Variants in CFH observed in about 807,000 individuals in gnomAD.
CFH encodes complement factor H, also known as H factor 1 (complement).
CFH carries 53 observed loss-of-function variants against 147.3 expected under a neutral mutation model. The ratio of observed to expected loss-of-function variants is 0.36; its 90% CI spans 0.29 to 0.45. CFH has a LOEUF of 0.45. Among genes scored for constraint, CFH ranks in the 20% least tolerant of loss-of-function variants. CFH has a pLI of 1.00. For synonymous variants in CFH, 536 were observed against 489.4 expected (o/e 1.10, Z -1.26); for missense variants, 1,380 against 1,498.0 (o/e 0.92, Z 1.30).
intron 9 of CFH, among the ~76,000 whole-genome samples, chr1:196,694,910 T>C (rs1331854381): frequency 2.6e-4 from 39 of 152,230 alleles, no homozygotes; most frequent in Admixed American, 2.6e-3. Flanking sequence ...ATTAGACCTC[T>C]GTCAGATGGA....
rs1304088427 is a variant in CFH, at chr1:196,730,189, G to A, written c.2413+1667G>A. On this transcript the variant is annotated intron_variant, in intron 15 of 21. Coordinates refer to ENST00000367429, the MANE Select transcript of CFH (RefSeq NM_000186.4). ...GTGTACTACTAGACTGTTTATTTGAGTTCTTTCCACTTTCTTGATATAGGC... is the reference window on the plus strand; with the variant it reads ...GTGTACTACTAGACTGTTTATTTGAATTCTTTCCACTTTCTTGATATAGGC... Among the ~76,000 whole-genome samples the A allele has an allele frequency of 2.0e-5, 3 of 151,728 alleles. No homozygotes were observed. The South Asian group carries it at 6.2e-4, about 31-fold the overall frequency.
At chr1:196,708,398 T>C (rs1668645887) in intron 9 of CFH, among the ~76,000 whole-genome samples, 1 of 152,090 alleles carries the variant, frequency 6.6e-6, no homozygotes, top group Non-Finnish European at 1.5e-5. Context: ...TGTCAATCTC[T>C]CTCTGCCTAT....
intron 16 of CFH, 96 bp from the exon 17 acceptor site, chr1:196,737,379 T>C: frequency 1.1e-6 from 1 of 877,254 alleles, no homozygotes; most frequent in Non-Finnish European, 1.8e-6. Flanking sequence ...TTGTTCAAAT[T>C]ATACTCACTT....
chr1:196,727,599 G>T (rs1165804195), intron 14 of CFH, among the ~76,000 whole-genome samples: 1 of 152,054 alleles, frequency 6.6e-6, no homozygotes, highest in East Asian at 1.9e-4. Flanking sequence ...TATTGTTATT[G>T]TATGGTATTC....
At chr1:196,668,974 G>T (rs1268930108) in intron 1 of CFH, among the ~76,000 whole-genome samples, 1 of 152,140 alleles carries the variant, frequency 6.6e-6, no homozygotes, top group Non-Finnish European at 1.5e-5. Flanking sequence ...GAAGATGTGG[G>T]AAAGCTTGGA....
At chr1:196,739,682 T>TA (rs1294026364) in intron 17 of CFH, among the ~76,000 whole-genome samples, 3 of 152,130 alleles carry the variant, frequency 2.0e-5, no homozygotes, top group Admixed American at 6.5e-5. Context: ...TCCAACTCCC[T>TA]AGGAAGTTCC....
At chr1:196,709,687 G>GCC (rs1668679065) in intron 9 of CFH, among the ~76,000 whole-genome samples, 1 of 151,972 alleles carries the variant, frequency 6.6e-6, no homozygotes, top group African/African-American at 2.4e-5. Context: ...GGATAAAGAA[G>GCC]CCCTTGTCAC....
At chr1:196,713,379 G>C (rs1402633448) in intron 9 of CFH, among the ~76,000 whole-genome samples, 1 of 152,084 alleles carries the variant, frequency 6.6e-6, no homozygotes, top group Non-Finnish European at 1.5e-5. Flanking sequence ...GGAATTGCCA[G>C]AAGATCTACA....
intron 6 of CFH, among the ~76,000 whole-genome samples, chr1:196,683,650 AG>A (rs1345961185): frequency 1.3e-5 from 2 of 151,800 alleles, no homozygotes; most frequent in African/African-American, 4.8e-5. Context: ...TTTAAAATAC[AG>A]GGGAAAATGA....
chr1:196,677,317 G>C lies in CFH; in HGVS notation c.428-159G>C, dbSNP rs192050351. On this transcript the variant is annotated intron_variant, in intron 4 of 21. Transcript: ENST00000367429. ...AAACATTCCATTTGCTTGTTTCTTA[G>C]AGGAAAGTATCTCTAGCAAACAGGT... The C allele has an allele frequency of 4.1e-3, 2,639 of 643,304 alleles. 5 individuals are homozygous for C. The highest frequency in any genetic ancestry group is 5.3e-3 in the Non-Finnish European group (2,000 of 374,640). The allele number at this position is 643,304 out of a possible 1,614,324, so 39.8% of individuals were successfully genotyped here.
chr1:196,692,332 T>C, intron 9 of CFH: 1 of 657,556 alleles, frequency 1.5e-6, no homozygotes, highest in Non-Finnish European at 1.9e-6. Flanking sequence ...TGTCTCATCA[T>C]TCAGTGTCAG....
At chr1:196,674,424 C>T (rs1206559562) in intron 3 of CFH, among the ~76,000 whole-genome samples, 1 of 152,124 alleles carries the variant, frequency 6.6e-6, no homozygotes, top group African/African-American at 2.4e-5. Flanking sequence ...TGTCCCAGGT[C>T]TGCAAATTAT....
intron 15 of CFH, among the ~76,000 whole-genome samples, chr1:196,731,877 A>T (rs893937742): frequency 3.3e-5 from 5 of 151,912 alleles, no homozygotes; most frequent in African/African-American, 1.2e-4. Flanking sequence ...TGGAAATTCC[A>T]TTTTATGTAA....
At chr1:196,680,006 G>T (rs1667595937) in intron 6 of CFH, among the ~76,000 whole-genome samples, 1 of 151,876 alleles carries the variant, frequency 6.6e-6, no homozygotes, top group East Asian at 1.9e-4. Flanking sequence ...AACAGGGCCA[G>T]AAAAGTTCAG....
intron 18 of CFH, chr1:196,741,596 A>G: frequency 2.6e-6 from 1 of 389,752 alleles, no homozygotes. Flanking sequence ...GCAAGTATGG[A>G]CAAAAATAAT....
intron 1 of CFH, among the ~76,000 whole-genome samples, chr1:196,654,957 CTA>C (rs1228677388): frequency 1.3e-5 from 2 of 152,028 alleles, no homozygotes; most frequent in Non-Finnish European, 2.9e-5. Flanking sequence ...GTGTATTTAT[CTA>C]TATGGTGTGA....
chr1:196,658,461 G>A (rs1666787675), intron 1 of CFH, among the ~76,000 whole-genome samples: 1 of 138,868 alleles, frequency 7.2e-6, no homozygotes, highest in Non-Finnish European at 1.5e-5. Context: ...GCCCAGGCTG[G>A]AGTGCAGTGT....
In CFH at chr1:196,737,545, A is replaced by C. The variant is rs1434387459; in HGVS notation, c.2667A>C (p.Glu889Asp). Residue 889 changes from glutamate to aspartate, a missense_variant, in exon 17 of 22, where the codon GAA becomes GAC. Coordinates refer to ENST00000367429, the MANE Select transcript of CFH (RefSeq NM_000186.4). ...GTINSSRSSQ[E>D]SYAHGTKLSY... Reference sequence around the variant, plus strand: ...TTAATTCATCCAGGTCTTCACAAGAAAGTTATGCACATGGGACTAAATTGA... The same window carrying C: ...TTAATTCATCCAGGTCTTCACAAGACAGTTATGCACATGGGACTAAATTGA... 1 of 1,613,382 alleles carries C rather than the reference A, an allele frequency of 6.2e-7. No homozygotes were observed. The highest frequency in any genetic ancestry group is 1.3e-5 in the African/African-American group (1 of 74,912).
intron 9 of CFH, among the ~76,000 whole-genome samples, chr1:196,705,210 T>TG (rs1668558037): frequency 6.6e-6 from 1 of 151,872 alleles, no homozygotes; most frequent in African/African-American, 2.4e-5. Context: ...ATTTTTTTTT[T>TG]GTCTGGATGG....
Sources: allele counts gnomAD v4.1 joint callset (sites outside exome capture counted in the v4.1 genomes callset), GRCh38; gene constraint gnomAD v4.1.1; transcripts MANE v1.5; gene names NCBI Gene and HGNC (gene_info 2026-07-23, HGNC 2026-07-21).